Variants in MARK1 observed in about 807,000 individuals in gnomAD.
MARK1 encodes the protein microtubule affinity regulating kinase 1.
In MARK1, 40 loss-of-function variants were observed where a neutral mutation model predicts 96.3. The ratio of observed to expected loss-of-function variants is 0.42; its 90% CI spans 0.32 to 0.54. The LOEUF (loss-of-function observed/expected upper bound fraction) is 0.54. Ranked by LOEUF, MARK1 falls within the 20% of genes least tolerant of loss-of-function variation. The pLI, the probability that MARK1 is intolerant of heterozygous loss-of-function variation, is 0.16. For synonymous variants in MARK1, 317 were observed against 341.2 expected (o/e 0.93, Z 0.78); for missense variants, 719 against 984.6 (o/e 0.73, Z 3.61).
intron 5 of MARK1, 72 bp from the exon 6 acceptor site, chr1:220,603,995 A>T: frequency 1.1e-6 from 1 of 897,930 alleles, no homozygotes; most frequent in Non-Finnish European, 1.7e-6. Context: ...CAAGGAAAAA[A>T]CTTGACATTG....
intron 1 of MARK1, among the ~76,000 whole-genome samples, chr1:220,537,343 G>T (rs1238669060): frequency 6.7e-6 from 1 of 148,480 alleles, no homozygotes; most frequent in Non-Finnish European, 1.5e-5. Flanking sequence ...GCGGTGTTTG[G>T]TTTTTTGTTC....
intron 1 of MARK1, among the ~76,000 whole-genome samples, chr1:220,578,947 A>C (rs113299682): frequency 0.043 from 6,543 of 152,124 alleles, 451 homozygotes; most frequent in African/African-American, 0.15. Context: ...GGTTCAAGCG[A>C]TTCTCCTCCC....
chr1:220,641,635 G>A (rs1390567868), intron 13 of MARK1, among the ~76,000 whole-genome samples: 1 of 152,118 alleles, frequency 6.6e-6, no homozygotes, highest in East Asian at 1.9e-4. Context: ...AAAGATGGCT[G>A]AGTAGAAACA....
chr1:220,659,577 A>G (rs112314038), intron 17 of MARK1, among the ~76,000 whole-genome samples: 240 of 152,316 alleles, frequency 1.6e-3, no homozygotes, highest in African/African-American at 5.0e-3. Context: ...TAAGTACTCA[A>G]TAAATGTTAG....
At chr1:220,538,665 A>G (rs1446089608) in intron 1 of MARK1, among the ~76,000 whole-genome samples, 2 of 151,644 alleles carry the variant, frequency 1.3e-5, no homozygotes, top group African/African-American at 4.8e-5. Flanking sequence ...CTTGGGCAGT[A>G]TGGCCATTTT....
chr1:220,657,672 A>G (rs1032048467), intron 16 of MARK1, 118 bp from the exon 17 acceptor site: 87 of 642,382 alleles, frequency 1.4e-4, no homozygotes, highest in Non-Finnish European at 2.2e-4. Context: ...CTAGTAATAG[A>G]AAACTGTCAT....
intron 13 of MARK1, among the ~76,000 whole-genome samples, chr1:220,642,639 T>C (rs1268524828): frequency 6.6e-6 from 1 of 152,184 alleles, no homozygotes. Context: ...ACTGCTTCCT[T>C]AAGGACGTCC....
chr1:220,606,492 G>A (rs1666089708), intron 6 of MARK1, among the ~76,000 whole-genome samples: 1 of 152,102 alleles, frequency 6.6e-6, no homozygotes, highest in African/African-American at 2.4e-5. Flanking sequence ...CACTCTGATG[G>A]TAGTTTCTTT....
At chr1:220,579,281 A>G (rs1393761175) in intron 1 of MARK1, 73 bp from the exon 2 acceptor site, 2 of 989,238 alleles carry the variant, frequency 2.0e-6, no homozygotes. Flanking sequence ...AATAATAATT[A>G]TTTGTACTCT....
intron 1 of MARK1, among the ~76,000 whole-genome samples, chr1:220,534,994 A>G (rs1446233217): frequency 6.6e-6 from 1 of 152,134 alleles, no homozygotes; most frequent in Non-Finnish European, 1.5e-5. Flanking sequence ...ATGGGAGTGC[A>G]AAGATCTCTT....
At position 220,540,077 on chromosome 1, in the gene MARK1, C is replaced by T. The variant is rs188106068; in HGVS notation, c.51+11204C>T. On this transcript the variant is annotated intron_variant, in intron 1 of 17. Transcript: ENST00000366917. ...CTAGTTATAGCTTTGTTTAGATGTTCTATTTTTTCATAACTTAGTTTTTGT... is the reference window on the plus strand; with the variant it reads ...CTAGTTATAGCTTTGTTTAGATGTTTTATTTTTTCATAACTTAGTTTTTGT... Among the ~76,000 whole-genome samples the T allele has an allele frequency of 2.9e-3, 448 of 152,108 alleles. 5 individuals carry two copies. The highest frequency in any genetic ancestry group is 0.01 in the African/African-American group (430 of 41,502).
chr1:220,572,545 T>G (rs1416023557), intron 1 of MARK1, among the ~76,000 whole-genome samples: 1 of 152,212 alleles, frequency 6.6e-6, no homozygotes, highest in Non-Finnish European at 1.5e-5. Context: ...GCCTGGTGGT[T>G]GTTTTTTCAT....
chr1:220,655,595 G>A (rs1669126670), intron 16 of MARK1, among the ~76,000 whole-genome samples: 1 of 151,956 alleles, frequency 6.6e-6, no homozygotes, highest in Admixed American at 6.6e-5. Flanking sequence ...ATTTGTGTTG[G>A]CTTTACCTTC....
chr1:220,531,361 A>G (rs1660304482), intron 1 of MARK1, among the ~76,000 whole-genome samples: 1 of 152,212 alleles, frequency 6.6e-6, no homozygotes, highest in African/African-American at 2.4e-5. Context: ...AAAGGGTTCT[A>G]AGTCCTTTGG....
Position 220,618,591 on chromosome 1 carries a change from TA to T in MARK1, c.790-44del. ...TTAATGTTTTATCCCCAAGTATGAT[TA>T]TGTCAAAAACCAGTTATAAGTGCTT... On this transcript the variant is annotated intron_variant, in intron 8 of 17. Transcript: ENST00000366917. The surrounding 1 kb of genome is among the most constrained non-coding windows in gnomAD (Gnocchi z 4.6). 6.2e-7 allele frequency: 1 copy of T among 1,612,992 alleles called. No individual in the cohort carries two copies. Among genetic ancestry groups the T allele is most frequent in the Non-Finnish European group, 8.5e-7 (1 of 1,179,704 alleles).
At chr1:220,550,624 G>C (rs969253317) in intron 1 of MARK1, among the ~76,000 whole-genome samples, 7 of 152,224 alleles carry the variant, frequency 4.6e-5, no homozygotes, top group Non-Finnish European at 8.8e-5. Context: ...AAAGTGTCAG[G>C]ATTACAGATG....
At position 220,604,246 on chromosome 1, in the gene MARK1, C is replaced by T. The variant is rs918269694; in HGVS notation, c.495+109C>T. The T allele has an allele frequency of 7.2e-6, 4 of 553,212 alleles. No individual in the cohort carries two copies. In the Admixed American group the frequency reaches 9.8e-5, roughly 14 times the overall value. The allele number at this position is 553,212 out of a possible 1,614,324, so 34.3% of individuals were successfully genotyped here. ...ACATGGTATTTTAAAAAGAAGAATT[C>T]CTGCTTTCTTATATTTTTAAGGATG... On this transcript the variant is annotated intron_variant, in intron 6 of 17. Transcript: ENST00000366917.
chr1:220,537,666 A>T (rs975648898), intron 1 of MARK1, among the ~76,000 whole-genome samples: 1 of 143,902 alleles, frequency 6.9e-6, no homozygotes, highest in African/African-American at 2.5e-5. Flanking sequence ...CGCCACACTG[A>T]CTTCCACAAT....
chr1:220,662,001 C>G lies in MARK1; in HGVS notation c.2223C>G (p.Phe741Leu), dbSNP rs781456915. 1.2e-6 allele frequency: 2 copies of G among 1,614,052 alleles called. No individual in the cohort carries two copies. Among genetic ancestry groups the G allele is most frequent in the African/African-American group, 2.7e-5 (2 of 74,916 alleles). Reference protein sequence around the residue: ...DYEQKERFLLFCVHGDARQDS... With the variant: ...DYEQKERFLLLCVHGDARQDS... Reference sequence around the variant, plus strand: ...AGCAAAAAGAGAGATTTTTGCTTTTCTGTGTCCATGGAGACGCTAGACAGG... The same window carrying G: ...AGCAAAAAGAGAGATTTTTGCTTTTGTGTGTCCATGGAGACGCTAGACAGG... The change falls in exon 18 of 18, where the codon TTC becomes TTG. Residue 741 changes from phenylalanine to leucine, a missense_variant. By Grantham distance (22) the Phe-to-Leu change is conservative. Transcript: ENST00000366917.
Sources: gnomAD v4.1 joint callset for allele counts (sites outside exome capture counted in the v4.1 genomes callset) on GRCh38, gnomAD v4.1.1 for gene constraint, Gnocchi (gnomAD v3.1) non-coding constraint, MANE v1.5 for transcripts, NCBI Gene and HGNC (gene_info 2026-07-23, HGNC 2026-07-21) for gene names.